Variants in HYCC2 observed in about 807,000 individuals in gnomAD.
HYCC2 encodes hyccin 2.
At chr2:200,981,589 A>G in the HYCC2 span, 1 of 1,614,132 alleles carries the variant, frequency 6.2e-7, no homozygotes. The surrounding 1 kb of genome is among the most constrained non-coding windows in gnomAD (Gnocchi z 4.5). Context: ...GTGTTTCTTC[A>G]TTGGTGTCAG....
chr2:201,029,753 G>C, the HYCC2 span, among the ~76,000 whole-genome samples: 2 of 152,016 alleles, frequency 1.3e-5, no homozygotes, highest in Non-Finnish European at 2.9e-5. Flanking sequence ...CACAGGGTGG[G>C]GAACATCATT....
At chr2:201,050,123 AGGATT>A in the HYCC2 span, among the ~76,000 whole-genome samples, 1 of 151,588 alleles carries the variant, frequency 6.6e-6, no homozygotes, top group South Asian at 2.1e-4. Context: ...GTGAGGTGGG[AGGATT>A]GCTTGAGCCC....
At chr2:201,004,876 G>A in the HYCC2 span, among the ~76,000 whole-genome samples, 1 of 152,036 alleles carries the variant, frequency 6.6e-6, no homozygotes, top group Non-Finnish European at 1.5e-5. Context: ...AATTAGCCAG[G>A]CATGGTGGCG....
the HYCC2 span, among the ~76,000 whole-genome samples, chr2:201,025,320 G>A: frequency 2.0e-5 from 3 of 151,926 alleles, no homozygotes; most frequent in Non-Finnish European, 4.4e-5. Context: ...TCAACTATAC[G>A]GCAACCATTT....
the HYCC2 span, among the ~76,000 whole-genome samples, chr2:201,014,604 T>A: frequency 6.6e-6 from 1 of 152,190 alleles, no homozygotes; most frequent in Non-Finnish European, 1.5e-5. Context: ...AGGGCATGGT[T>A]CTGAACTGAA....
chr2:201,033,871 C>A, the HYCC2 span, among the ~76,000 whole-genome samples: 93 of 151,966 alleles, frequency 6.1e-4, no homozygotes, highest in African/African-American at 2.1e-3. Flanking sequence ...CAACACAAAT[C>A]TTTTAATTTG....
At chr2:201,014,260 T>C in the HYCC2 span, among the ~76,000 whole-genome samples, 187 of 152,192 alleles carry the variant, frequency 1.2e-3, 2 homozygotes, top group South Asian at 0.021. Context: ...AACACCAAAT[T>C]CCATTATTAA....
At chr2:201,029,281 G>A in the HYCC2 span, among the ~76,000 whole-genome samples, 5 of 152,120 alleles carry the variant, frequency 3.3e-5, no homozygotes, top group Non-Finnish European at 7.3e-5. Flanking sequence ...CAGTTAGAAT[G>A]GCGACCATCA....
the HYCC2 span, chr2:201,067,174 A>G: frequency 4.4e-6 from 1 of 226,722 alleles, no homozygotes; most frequent in Non-Finnish European, 9.1e-6. Context: ...GGTTGTCAAC[A>G]AAATTGGGAT....
the HYCC2 span, among the ~76,000 whole-genome samples, chr2:201,059,802 T>C: frequency 9.2e-5 from 14 of 152,046 alleles, no homozygotes; most frequent in Admixed American, 8.5e-4. Flanking sequence ...TCCTCGCACT[T>C]TGGGAGGCCG....
the HYCC2 span, among the ~76,000 whole-genome samples, chr2:200,984,324 G>A: frequency 6.6e-6 from 1 of 152,284 alleles, no homozygotes; most frequent in East Asian, 1.9e-4. Context: ...ATAGGCATGA[G>A]CCATCGTGCC....
the HYCC2 span, among the ~76,000 whole-genome samples, chr2:201,057,541 G>A: frequency 6.6e-6 from 1 of 152,176 alleles, no homozygotes; most frequent in African/African-American, 2.4e-5. Context: ...TTTGAAGGTT[G>A]GTTGTTACCA....
chr2:201,043,848 T>C, the HYCC2 span, among the ~76,000 whole-genome samples: 4 of 152,124 alleles, frequency 2.6e-5, no homozygotes, highest in African/African-American at 7.2e-5. Flanking sequence ...TCTTAGTACA[T>C]AGAGATATCT....
the HYCC2 span, among the ~76,000 whole-genome samples, chr2:201,053,969 C>T: frequency 6.6e-6 from 1 of 152,020 alleles, no homozygotes; most frequent in Non-Finnish European, 1.5e-5. Context: ...ATCTCAAAAA[C>T]AAACAAACAA....
chr2:201,054,034 G>A, the HYCC2 span, among the ~76,000 whole-genome samples: 1 of 152,162 alleles, frequency 6.6e-6, no homozygotes. Context: ...GCTGGGGAAT[G>A]AGATGTCCAT....
At chr2:201,017,785 T>C in the HYCC2 span, among the ~76,000 whole-genome samples, 1 of 152,204 alleles carries the variant, frequency 6.6e-6, no homozygotes, top group South Asian at 2.1e-4. Context: ...AACATGTTTC[T>C]TTGGAGGAAA....
the HYCC2 span, chr2:200,997,569 G>A: frequency 7.1e-7 from 1 of 1,415,672 alleles, no homozygotes; most frequent in Admixed American, 1.7e-5. Flanking sequence ...AGGTTAAAAG[G>A]ATTACAAATA....
At chr2:200,981,757 G>A in the HYCC2 span, 9 of 1,614,172 alleles carry the variant, frequency 5.6e-6, no homozygotes, top group Admixed American at 1.2e-4. This position sits in a 1 kb window ranked among gnomAD's most constrained non-coding sequence, Gnocchi z 4.5. Context: ...CCTCTGAGAA[G>A]AGGAGGATGG....
chr2:201,008,886 G>T, the HYCC2 span: 1 of 851,896 alleles, frequency 1.2e-6, no homozygotes, highest in Non-Finnish European at 1.9e-6. Context: ...CTGGGTGACA[G>T]AGTGAGACTC....
Sources: gnomAD v4.1 joint callset for allele counts (sites outside exome capture counted in the v4.1 genomes callset) on GRCh38, gnomAD v4.1.1 for gene constraint, Gnocchi (gnomAD v3.1) non-coding constraint, MANE v1.5 for transcripts, NCBI Gene and HGNC (gene_info 2026-07-23, HGNC 2026-07-21) for gene names.